The following DDX50 variants were observed in gnomAD, a reference collection of about 807,000 sequenced individuals.
The protein encoded by DDX50 is DExD-box helicase 50.
DDX50 carries 56 observed loss-of-function variants against 94.8 expected under a neutral mutation model. That is an observed-to-expected ratio of 0.59 (90% CI 0.48 to 0.74). The LOEUF is 0.74. Among genes scored for constraint, DDX50 ranks in the 30% least tolerant of loss-of-function variants. The pLI is 0.00. For missense variants in DDX50, 713 were observed against 881.2 expected (o/e 0.81, Z 2.42); for synonymous variants, 264 against 295.4 (o/e 0.89, Z 1.09).
In DDX50 at chr10:68,901,459, G is replaced by A. The variant is rs748698910; in HGVS notation, c.75G>A (p.Lys25=). The change falls in exon 1 of 15, where the codon AAG becomes AAA. Residue 25 remains lysine, a synonymous_variant. Coordinates refer to ENST00000373585, the MANE Select transcript of DDX50 (RefSeq NM_024045.2). ...TGGAGGAGTCCGAGAGCCAGAAGAA[G>A]GAGAGGCAAAAGGTGCGCTGAGCAT... is the stretch of plus-strand genomic sequence containing the variant. ...APLEESESQK[K]ERQKSDRRKS... is the part of the protein sequence containing the mutation. 8 of 1,572,576 alleles carry A rather than the reference G, an allele frequency of 5.1e-6. No individual in the cohort carries two copies. The South Asian group carries it at 5.9e-5, about 12-fold the overall frequency.
At chr10:68,932,036 C>G (rs1206856763) in intron 8 of DDX50, among the ~76,000 whole-genome samples, 1 of 152,186 alleles carries the variant, frequency 6.6e-6, no homozygotes, top group Admixed American at 6.6e-5. Flanking sequence ...AGTTAGATTT[C>G]CCTCTTAAGT....
At position 68,919,718 on chromosome 10, in the gene DDX50, G is replaced by T. The variant is rs180821048; in HGVS notation, c.1090-114G>T. On this transcript the variant is annotated intron_variant, in intron 7 of 14. Transcript: ENST00000373585. Reference sequence around the variant, plus strand: ...TTAAGTGCTGTTGAGGAGAGTCTTTGTCTTACAGTCTCCCAGGAAGGCTAA... The same window carrying T: ...TTAAGTGCTGTTGAGGAGAGTCTTTTTCTTACAGTCTCCCAGGAAGGCTAA... 1.6e-5 allele frequency: 21 copies of T among 1,293,298 alleles called. No individual in the cohort carries two copies. The African/African-American group carries it at 3.0e-4, about 19-fold the overall frequency. 80.1% of individuals were successfully genotyped at this position (1,293,298 alleles called of 1,614,324 possible).
intron 8 of DDX50, among the ~76,000 whole-genome samples, chr10:68,920,266 A>C (rs556240058): frequency 5.3e-5 from 8 of 152,052 alleles, no homozygotes; most frequent in Non-Finnish European, 1.0e-4. Context: ...GGCTCAGGTG[A>C]TTCTCCCACC....
chr10:68,919,702 G>A, intron 7 of DDX50, 130 bp from the exon 8 acceptor site: 2 of 1,096,450 alleles, frequency 1.8e-6, no homozygotes, highest in Non-Finnish European at 2.6e-6. Context: ...TTTAAGTGCT[G>A]TTGAGGAGAG....
chr10:68,935,013 CT>C, intron 10 of DDX50, 95 bp downstream of exon 10: 2 of 1,436,994 alleles, frequency 1.4e-6, no homozygotes, highest in Non-Finnish European at 1.8e-6. Context: ...GTCTTCATAA[CT>C]TTTCTCAGTT....
intron 2 of DDX50, among the ~76,000 whole-genome samples, chr10:68,910,063 G>A (rs1227541874): frequency 1.3e-5 from 2 of 152,202 alleles, no homozygotes; most frequent in South Asian, 2.1e-4. Context: ...GGTGGCATGC[G>A]CCTGTGGTCC....
At chr10:68,940,432 T>A (rs947575465) in intron 12 of DDX50, among the ~76,000 whole-genome samples, 3 of 151,938 alleles carry the variant, frequency 2.0e-5, no homozygotes, top group Admixed American at 6.6e-5. Flanking sequence ...TTTTTATTTT[T>A]TTTTTGAGAC....
rs538211130 is a variant in DDX50, at chr10:68,906,693, T to C, written c.88-18T>C. The C allele has an allele frequency of 5.6e-6, 9 of 1,594,510 alleles. No homozygotes were observed. In the Admixed American group the frequency reaches 7.6e-5, roughly 13 times the overall value. Reference sequence around the variant, plus strand: ...AAACCTCTGACCATCTTGTCATTGCTTCTTTGTTTGTTCACAGAGTGACAG... The same window carrying C: ...AAACCTCTGACCATCTTGTCATTGCCTCTTTGTTTGTTCACAGAGTGACAG... On this transcript the variant is annotated intron_variant, in intron 1 of 14. Transcript: ENST00000373585.
chr10:68,933,802 G>T (rs1343419842), intron 8 of DDX50, among the ~76,000 whole-genome samples: 1 of 151,926 alleles, frequency 6.6e-6, no homozygotes, highest in African/African-American at 2.4e-5. Flanking sequence ...GGGCATAGTG[G>T]CAGGCACCTG....
intron 8 of DDX50, among the ~76,000 whole-genome samples, chr10:68,927,132 G>A (rs1402452812): frequency 6.6e-6 from 1 of 151,928 alleles, no homozygotes; most frequent in East Asian, 1.9e-4. Flanking sequence ...GGCTGGTCTC[G>A]AACTCTTAGC....
rs981341790 is a variant in DDX50, at chr10:68,913,580, T to G, written c.943+4T>G. 3 of 1,605,922 alleles carry G rather than the reference T, an allele frequency of 1.9e-6. No individual in the cohort carries two copies. Among genetic ancestry groups the G allele is most frequent in the Middle Eastern group, 1.7e-4 (1 of 6,038 alleles). ...ATTCATGAATCCTACAAAACTGGTA[T>G]ATCCTAATTCAAAATAAGCACATTA... On this transcript the variant is annotated splice_donor_region_variant and intron_variant, in intron 6 of 14. Transcript: ENST00000373585.
At chr10:68,925,196 C>T (rs111269237) in intron 8 of DDX50, among the ~76,000 whole-genome samples, 17,661 of 148,254 alleles carry the variant, frequency 0.12, 1,313 homozygotes, top group Admixed American at 0.19. Flanking sequence ...CTCTGCCTCC[C>T]GGGTTCAAGT....
intron 7 of DDX50, among the ~76,000 whole-genome samples, chr10:68,917,151 A>G (rs1176750380): frequency 3.3e-5 from 5 of 150,670 alleles, no homozygotes; most frequent in East Asian, 2.0e-4. Flanking sequence ...TTTCTTTGCA[A>G]TTTTCTGTTG....
chr10:68,907,382 C>G (rs1374146684), intron 2 of DDX50, among the ~76,000 whole-genome samples: 1 of 142,460 alleles, frequency 7.0e-6, no homozygotes, highest in Admixed American at 7.4e-5. Flanking sequence ...ATGGCACAAT[C>G]TCAGCTCATG....
intron 4 of DDX50, among the ~76,000 whole-genome samples, chr10:68,912,270 G>A (rs1841647183): frequency 6.6e-6 from 1 of 151,906 alleles, no homozygotes. Context: ...GGAGTACAGT[G>A]GGGTGATCAT....
At chr10:68,903,528 C>T (rs1234845321) in intron 1 of DDX50, among the ~76,000 whole-genome samples, 1 of 151,796 alleles carries the variant, frequency 6.6e-6, no homozygotes, top group African/African-American at 2.4e-5. Flanking sequence ...AGGCCAGGTG[C>T]GGTGGCTCAC....
chr10:68,923,811 TG>T (rs1448983902), intron 8 of DDX50, among the ~76,000 whole-genome samples: 1 of 151,918 alleles, frequency 6.6e-6, no homozygotes, highest in African/African-American at 2.4e-5. Context: ...CCCAAAGTGC[TG>T]GGATTATAGA....
At chr10:68,935,683 A>G (rs1028134582) in intron 10 of DDX50, among the ~76,000 whole-genome samples, 1 of 152,138 alleles carries the variant, frequency 6.6e-6, no homozygotes, top group Non-Finnish European at 1.5e-5. Flanking sequence ...AAAAATACCA[A>G]AATTAGCTGG....
chr10:68,920,467 C>T (rs1841911981), intron 8 of DDX50, among the ~76,000 whole-genome samples: 1 of 152,038 alleles, frequency 6.6e-6, no homozygotes, highest in African/African-American at 2.4e-5. Context: ...CACCTGACCT[C>T]TATCAGATTT....
Sources: allele counts gnomAD v4.1 joint callset (sites outside exome capture counted in the v4.1 genomes callset), GRCh38; gene constraint gnomAD v4.1.1; transcripts MANE v1.5; gene names NCBI Gene and HGNC (gene_info 2026-07-23, HGNC 2026-07-21).